CACNB4: variants seen among roughly 807,000 people sequenced by gnomAD.
CACNB4 encodes the protein calcium voltage-gated channel auxiliary subunit beta 4.
In CACNB4, 32 loss-of-function variants were observed where a neutral mutation model predicts 71.2. The observed-to-expected ratio is 0.45, with a 90% CI of 0.34 to 0.60. The LOEUF (loss-of-function observed/expected upper bound fraction) is 0.60. Among genes scored for constraint, CACNB4 ranks in the 20% least tolerant of loss-of-function variants. CACNB4 has a pLI of 0.01. For synonymous variants in CACNB4, 231 were observed against 236.9 expected, an observed-to-expected ratio of 0.97 and a Z score of 0.23; for missense variants, 464 against 647.9, an observed-to-expected ratio of 0.72 and a Z score of 3.08.
At chr2:151,882,817 G>C (rs1214199107) in intron 3 of CACNB4, among the ~76,000 whole-genome samples, 1 of 152,204 alleles carries the variant, frequency 6.6e-6, no homozygotes, top group East Asian at 1.9e-4. Context: ...CACTGAACTT[G>C]AGGTGGGATA....
At chr2:151,845,588 C>T (rs2099837347) in intron 12 of CACNB4, among the ~76,000 whole-genome samples, 1 of 152,200 alleles carries the variant, frequency 6.6e-6, no homozygotes, top group Non-Finnish European at 1.5e-5. Flanking sequence ...CAAGTGTAGT[C>T]AGCTCCTTAC....
intron 4 of CACNB4, among the ~76,000 whole-genome samples, chr2:151,877,362 G>A (rs2099846708): frequency 6.6e-6 from 1 of 152,142 alleles, no homozygotes; most frequent in African/African-American, 2.4e-5. Flanking sequence ...GGGTCAGACT[G>A]GACCTGTGGG....
chr2:151,940,065 T>A (rs887488442), intron 2 of CACNB4, among the ~76,000 whole-genome samples: 2 of 152,236 alleles, frequency 1.3e-5, no homozygotes, highest in Non-Finnish European at 2.9e-5. Context: ...CAAATAATGA[T>A]TCTTAGTTTA....
Position 151,837,440 on chromosome 2 carries a change from G to T in CACNB4, c.*1679C>A, listed in dbSNP as rs1455344356. Reference sequence around the variant, plus strand: ...CATGGTCAAGAAGATTACTGAACTGGTGCATGCTTTGAGTGCCTGAATACT... The same window carrying T: ...CATGGTCAAGAAGATTACTGAACTGTTGCATGCTTTGAGTGCCTGAATACT... On this transcript the variant is annotated 3_prime_UTR_variant, in exon 14 of 14. Coordinates refer to ENST00000539935, the MANE Select transcript of CACNB4 (RefSeq NM_000726.5). The T allele has an allele frequency of 2.6e-5, 4 of 151,936 alleles. No individual in the cohort carries two copies. The highest frequency in any genetic ancestry group is 1.5e-5 in the Non-Finnish European group (1 of 67,908). 9.4% of individuals were successfully genotyped at this position (151,936 alleles called of 1,614,324 possible).
In CACNB4 at chr2:152,098,862, G is replaced by C; in HGVS notation, c.63+87C>G. The C allele has an allele frequency of 8.7e-6, 10 of 1,145,170 alleles. No homozygotes were observed. The highest frequency in any genetic ancestry group is 1.2e-5 in the Non-Finnish European group (10 of 823,922). 70.9% of individuals were successfully genotyped at this position (1,145,170 alleles called of 1,614,324 possible). A position where few individuals can be genotyped will look rare whatever the true frequency, so the allele number is the denominator to read the frequency against. ...CCCGGGACTGGGGCCCCGCACGCCC[G>C]GCACGAAGGCGGGGCGCGCTAGGGC... On this transcript the variant is annotated intron_variant, in intron 1 of 13. Transcript: ENST00000539935. This position sits in a 1 kb window ranked among gnomAD's most constrained non-coding sequence, Gnocchi z 5.3.
chr2:151,882,669 C>G (rs1462547301), intron 3 of CACNB4, among the ~76,000 whole-genome samples: 1 of 152,196 alleles, frequency 6.6e-6, no homozygotes, highest in African/African-American at 2.4e-5. Context: ...ATGCAGTTGG[C>G]TCCTTGCTGC....
intron 5 of CACNB4, among the ~76,000 whole-genome samples, chr2:151,874,697 A>G (rs1205431015): frequency 1.3e-5 from 2 of 152,242 alleles, no homozygotes; most frequent in Non-Finnish European, 2.9e-5. Flanking sequence ...AACAGAAAAC[A>G]GAGGTTGAGG....
Position 152,098,575 on chromosome 2 carries a change from C to CCCCCCCCCCCAGCCA in CACNB4, c.64-163_64-162insTGGCTGGGGGGGGGG. The CCCCCCCCCCCAGCCA allele has an allele frequency of 3.4e-6, 3 of 877,274 alleles. No individual in the cohort carries two copies. Among genetic ancestry groups the CCCCCCCCCCCAGCCA allele is most frequent in the Non-Finnish European group, 3.8e-6 (2 of 530,914 alleles). 54.3% of individuals were successfully genotyped at this position (877,274 alleles called of 1,614,324 possible). A position where few individuals can be genotyped will look rare whatever the true frequency, so the allele number is the denominator to read the frequency against. On this transcript the variant is annotated intron_variant, in intron 1 of 13. Coordinates refer to ENST00000539935, the MANE Select transcript of CACNB4 (RefSeq NM_000726.5). The surrounding 1 kb of genome is among the most constrained non-coding windows in gnomAD (Gnocchi z 5.3). Reference sequence around the variant, plus strand: ...GACTCCCAAATACAGCCCCCACCCCCACCCACCCACTGCAAGCCTCGACTG... The same window carrying CCCCCCCCCCCAGCCA: ...GACTCCCAAATACAGCCCCCACCCCCCCCCCCCCCCAGCCAACCCACCCACTGCAAGCCTCGACTG...
intron 2 of CACNB4, among the ~76,000 whole-genome samples, chr2:151,996,620 C>T (rs890282074): frequency 2.2e-4 from 33 of 152,096 alleles, no homozygotes; most frequent in Admixed American, 4.6e-4. Flanking sequence ...GTGAGTGACT[C>T]AAAAATAAAT....
intron 2 of CACNB4, among the ~76,000 whole-genome samples, chr2:152,000,426 A>G (rs1015836729): frequency 6.6e-6 from 1 of 152,232 alleles, no homozygotes; most frequent in African/African-American, 2.4e-5. Flanking sequence ...TACCTCCTTC[A>G]TAAGGTTGTT....
At chr2:151,937,245 T>A (rs923780500) in intron 2 of CACNB4, among the ~76,000 whole-genome samples, 4 of 152,108 alleles carry the variant, frequency 2.6e-5, no homozygotes, top group Non-Finnish European at 5.9e-5. Flanking sequence ...TCCTTTCCAA[T>A]CCCCCTCTCC....
intron 2 of CACNB4, among the ~76,000 whole-genome samples, chr2:151,985,899 G>A (rs1681337276): frequency 6.6e-6 from 1 of 152,088 alleles, no homozygotes; most frequent in Non-Finnish European, 1.5e-5. Context: ...CATCTCTGGA[G>A]CTTTTGAAAA....
At chr2:152,091,495 T>C (rs1687970369) in intron 2 of CACNB4, among the ~76,000 whole-genome samples, 2 of 151,992 alleles carry the variant, frequency 1.3e-5, no homozygotes, top group Non-Finnish European at 2.9e-5. Flanking sequence ...ATTAGCCAGA[T>C]GCGGTGGCAT....
chr2:152,080,731 C>T (rs1444472641), intron 2 of CACNB4, among the ~76,000 whole-genome samples: 8 of 152,112 alleles, frequency 5.3e-5, no homozygotes, highest in Non-Finnish European at 1.2e-4. Context: ...AAATGTGATC[C>T]CCAATGTTAG....
Position 151,869,240 on chromosome 2 carries a change from G to T in CACNB4, c.700-5C>A. The T allele has an allele frequency of 6.5e-7, 1 of 1,547,168 alleles. No individual in the cohort carries two copies. ...TTTCTGCATCATGTCTGTTACCTTT[G>T]CAGAGGTGAGAAAAAAAGAATGAGG... On this transcript the variant is annotated splice_polypyrimidine_tract_variant and splice_region_variant and intron_variant, in intron 8 of 13. Transcript: ENST00000539935.
intron 2 of CACNB4, among the ~76,000 whole-genome samples, chr2:151,907,620 C>T (rs996342064): frequency 6.6e-6 from 1 of 152,152 alleles, no homozygotes; most frequent in Non-Finnish European, 1.5e-5. Flanking sequence ...AGGAGCATTG[C>T]AATTCAGAAT....
chr2:152,064,182 C>T (rs1271751314), intron 2 of CACNB4, among the ~76,000 whole-genome samples: 1 of 152,174 alleles, frequency 6.6e-6, no homozygotes, highest in Non-Finnish European at 1.5e-5. Flanking sequence ...TTAAAATTCA[C>T]ATTGTTGAAG....
chr2:151,906,245 C>T (rs1388797242), intron 2 of CACNB4, among the ~76,000 whole-genome samples: 2 of 152,222 alleles, frequency 1.3e-5, no homozygotes, highest in Admixed American at 6.5e-5. Context: ...ATCTCACCAA[C>T]CCCTTTAAAT....
intron 2 of CACNB4, among the ~76,000 whole-genome samples, chr2:151,999,665 C>T (rs1682284197): frequency 6.6e-6 from 1 of 152,170 alleles, no homozygotes; most frequent in Admixed American, 6.5e-5. Flanking sequence ...ATAATTAAGG[C>T]AGCTTGTAGA....
Sources: allele counts gnomAD v4.1 joint callset (sites outside exome capture counted in the v4.1 genomes callset), GRCh38; gene constraint gnomAD v4.1.1; non-coding constraint Gnocchi (gnomAD v3.1); transcripts MANE v1.5; gene names NCBI Gene and HGNC (gene_info 2026-07-23, HGNC 2026-07-21).